The following MGAT4C variants were observed in gnomAD, a reference collection of about 807,000 sequenced individuals.
The protein encoded by MGAT4C is alpha-1,3-mannosyl-glycoprotein 4-beta-N-acetylglucosaminyltransferase C.
In MGAT4C, 19 loss-of-function variants were observed where a neutral mutation model predicts 40.1. The observed-to-expected ratio is 0.47, with a 90% confidence interval of 0.33 to 0.70. The LOEUF (loss-of-function observed/expected upper bound fraction) is 0.70, where lower values mean the gene tolerates loss of function less well. MGAT4C is among the 30% of genes least tolerant of loss of function. The pLI, the probability that MGAT4C is intolerant of heterozygous loss-of-function variation, is 0.02. For missense variants in MGAT4C, 491 were observed against 563.2 expected (o/e 0.87, Z 1.30); for synonymous variants, 181 against 187.1 (o/e 0.97, Z 0.27).
rs1565725065 is a variant in MGAT4C, at chr12:86,388,667, C to CGTTTTTT, written c.-120+46483_-120+46489dup. ...GACACTTGATCAATAAACACTTCAG[C>CGTTTTTT]GTTTTTTGTTTTTTTTTTTTTTTTT... On this transcript the variant is annotated intron_variant, in intron 3 of 7. Transcript: ENST00000548651. Among the ~76,000 whole-genome samples, 282 of 141,340 alleles carry CGTTTTTT rather than the reference C, an allele frequency of 2.0e-3. 3 individuals carry two copies. Among genetic ancestry groups the CGTTTTTT allele is most frequent in the Middle Eastern group, 7.4e-3 (2 of 272 alleles). 92.7% of individuals were successfully genotyped at this position (141,340 alleles called of 152,430 possible).
At chr12:86,644,941 C>T (rs1044496928) in intron 2 of MGAT4C, among the ~76,000 whole-genome samples, 12 of 151,680 alleles carry the variant, frequency 7.9e-5, no homozygotes, top group South Asian at 2.1e-4. Context: ...GAGTTAGGTA[C>T]GGTTACGTAA....
At chr12:86,708,273 T>G (rs1349773544) in intron 2 of MGAT4C, among the ~76,000 whole-genome samples, 2 of 152,218 alleles carry the variant, frequency 1.3e-5, no homozygotes, top group Non-Finnish European at 2.9e-5. Flanking sequence ...GCCTCAAGCC[T>G]TGGCAGCTTC....
At chr12:86,336,891 CA>C (rs1954802440) in intron 3 of MGAT4C, among the ~76,000 whole-genome samples, 1 of 152,096 alleles carries the variant, frequency 6.6e-6, no homozygotes, top group Admixed American at 6.6e-5. Flanking sequence ...ATGAGCAAGA[CA>C]ATATAACTTA....
intron 1 of MGAT4C, among the ~76,000 whole-genome samples, chr12:86,228,607 ACTGTATTAGTCCCC>A (rs1008192022): frequency 6.6e-6 from 1 of 151,818 alleles, no homozygotes; most frequent in Non-Finnish European, 1.5e-5. Context: ...TAGAATGAAC[ACTGTATTAGTCCCC>A]CAGTATTTTC....
chr12:86,125,693 A>G (rs1880125058), intron 1 of MGAT4C, among the ~76,000 whole-genome samples: 1 of 152,178 alleles, frequency 6.6e-6, no homozygotes, highest in South Asian at 2.1e-4. Flanking sequence ...ATTTTTTTGA[A>G]AATATAATTG....
intron 3 of MGAT4C, among the ~76,000 whole-genome samples, chr12:86,414,907 T>C (rs918547079): frequency 6.6e-6 from 1 of 152,100 alleles, no homozygotes; most frequent in Non-Finnish European, 1.5e-5. Context: ...ATGTCCTTTC[T>C]CCCTGCAAAA....
chr12:86,779,262 T>TC (rs1224540530), intron 1 of MGAT4C, among the ~76,000 whole-genome samples: 4 of 152,016 alleles, frequency 2.6e-5, no homozygotes, highest in Admixed American at 2.6e-4. Context: ...CCCAGGTTTT[T>TC]CTCGAGAATT....
intron 2 of MGAT4C, among the ~76,000 whole-genome samples, chr12:86,554,491 CT>C (rs1470620016): frequency 6.6e-6 from 1 of 152,150 alleles, no homozygotes; most frequent in African/African-American, 2.4e-5. Flanking sequence ...TCTGTGTATC[CT>C]TTTCACAAGA....
chr12:86,370,463 G>A (rs1396975950), intron 3 of MGAT4C, among the ~76,000 whole-genome samples: 1 of 152,036 alleles, frequency 6.6e-6, no homozygotes, highest in African/African-American at 2.4e-5. Flanking sequence ...GCCTGGTGAT[G>A]AGACTGAATG....
intron 3 of MGAT4C, among the ~76,000 whole-genome samples, chr12:86,349,032 G>C (rs972516699): frequency 1.3e-5 from 2 of 152,070 alleles, no homozygotes; most frequent in Admixed American, 6.6e-5. Context: ...TATTCTGTTT[G>C]AGCTCAATAG....
chr12:86,064,546 C>A (rs1362262613), intron 1 of MGAT4C, among the ~76,000 whole-genome samples: 3 of 152,150 alleles, frequency 2.0e-5, no homozygotes, highest in African/African-American at 4.8e-5. Flanking sequence ...ACCAGAATCT[C>A]TGAGACACAT....
intron 2 of MGAT4C, among the ~76,000 whole-genome samples, chr12:86,546,252 A>G (rs1959192415): frequency 6.6e-6 from 1 of 151,992 alleles, no homozygotes; most frequent in Admixed American, 6.6e-5. Context: ...TGACCTTCAG[A>G]AACTCTTTAC....
At chr12:86,279,100 T>G (rs896737331) in intron 4 of MGAT4C, among the ~76,000 whole-genome samples, 2 of 152,134 alleles carry the variant, frequency 1.3e-5, no homozygotes, top group Admixed American at 6.6e-5. Flanking sequence ...GCCTGTAGTT[T>G]TATTTCTTTT....
intron 2 of MGAT4C, among the ~76,000 whole-genome samples, chr12:86,691,353 G>C (rs1950170335): frequency 6.6e-6 from 1 of 152,170 alleles, no homozygotes; most frequent in Non-Finnish European, 1.5e-5. Flanking sequence ...TTCCCTTTGA[G>C]CTGTGGATTC....
chr12:86,143,552 G>C (rs941410586), intron 1 of MGAT4C, among the ~76,000 whole-genome samples: 1 of 152,052 alleles, frequency 6.6e-6, no homozygotes, highest in Non-Finnish European at 1.5e-5. Context: ...TACGCTTAGG[G>C]TATTTTTGGG....
At chr12:86,366,441 G>A (rs1474390616) in intron 3 of MGAT4C, among the ~76,000 whole-genome samples, 1 of 152,096 alleles carries the variant, frequency 6.6e-6, no homozygotes, top group Non-Finnish European at 1.5e-5. Flanking sequence ...GGTTCTGTAG[G>A]TCACTATCCT....
intron 1 of MGAT4C, among the ~76,000 whole-genome samples, chr12:86,117,744 C>A (rs1878673658): frequency 6.6e-6 from 1 of 152,106 alleles, no homozygotes; most frequent in East Asian, 1.9e-4. Context: ...CTGACATTTT[C>A]TTACTATCAT....
At chr12:86,627,448 C>T (rs1261415159) in intron 2 of MGAT4C, among the ~76,000 whole-genome samples, 3 of 151,720 alleles carry the variant, frequency 2.0e-5, no homozygotes, top group African/African-American at 7.3e-5. Context: ...TGTAGCCTAA[C>T]TTGGAGACAC....
intron 3 of MGAT4C, among the ~76,000 whole-genome samples, chr12:86,344,656 T>C (rs1416354892): frequency 2.0e-5 from 3 of 151,736 alleles, no homozygotes; most frequent in Non-Finnish European, 1.5e-5. Context: ...AAGACTTATT[T>C]AAGAAAAATG....
Sources: gnomAD v4.1 joint callset for allele counts (sites outside exome capture counted in the v4.1 genomes callset) on GRCh38, gnomAD v4.1.1 for gene constraint, MANE v1.5 for transcripts, NCBI Gene and HGNC (gene_info 2026-07-23, HGNC 2026-07-21) for gene names.